Variants in BMAL1 observed in about 807,000 individuals in gnomAD.
BMAL1 encodes basic helix-loop-helix ARNT like 1, also known as basic helix-loop-helix ARNT-like protein 1.
the BMAL1 span, chr11:13,355,425 CTT>C: frequency 9.4e-5 from 88 of 932,886 alleles, no homozygotes; most frequent in Non-Finnish European, 1.4e-4. Context: ...GCCACAAACC[CTT>C]TGTCTTGAGC....
At chr11:13,353,004 T>C in the BMAL1 span, among the ~76,000 whole-genome samples, 1 of 152,204 alleles carries the variant, frequency 6.6e-6, no homozygotes, top group African/African-American at 2.4e-5. Flanking sequence ...AAATACGAGT[T>C]CTCAAAATGT....
the BMAL1 span, among the ~76,000 whole-genome samples, chr11:13,363,290 A>G: frequency 6.6e-6 from 1 of 151,990 alleles, no homozygotes; most frequent in African/African-American, 2.4e-5. Flanking sequence ...ATAATTTTCT[A>G]TCAGATACCC....
At chr11:13,298,089 G>A in the BMAL1 span, among the ~76,000 whole-genome samples, 17 of 152,288 alleles carry the variant, frequency 1.1e-4, no homozygotes, top group Admixed American at 5.2e-4. Flanking sequence ...CCCACCCCAA[G>A]GCCATGGTGT....
the BMAL1 span, among the ~76,000 whole-genome samples, chr11:13,346,153 T>C: frequency 1.3e-5 from 2 of 152,244 alleles, no homozygotes; most frequent in Non-Finnish European, 2.9e-5. Flanking sequence ...TTGACAGTCA[T>C]GGGCACAGAC....
chr11:13,321,990 G>A, the BMAL1 span, among the ~76,000 whole-genome samples: 1 of 152,088 alleles, frequency 6.6e-6, no homozygotes, highest in African/African-American at 2.4e-5. Context: ...GGTGGTCCTA[G>A]GGACCCTGCC....
chr11:13,296,358 G>A, the BMAL1 span, among the ~76,000 whole-genome samples: 1 of 152,124 alleles, frequency 6.6e-6, no homozygotes, highest in Non-Finnish European at 1.5e-5. Flanking sequence ...CCTCCTGAAG[G>A]GGTCTGGGGA....
the BMAL1 span, among the ~76,000 whole-genome samples, chr11:13,291,587 G>T: frequency 6.6e-6 from 1 of 152,212 alleles, no homozygotes; most frequent in Non-Finnish European, 1.5e-5. Context: ...CTGGTCAGCG[G>T]CAGAGGCAGC....
chr11:13,332,129 T>C, the BMAL1 span, among the ~76,000 whole-genome samples: 1 of 151,986 alleles, frequency 6.6e-6, no homozygotes, highest in Non-Finnish European at 1.5e-5. Flanking sequence ...ACAGAGAAGG[T>C]CAGAGGTGGG....
the BMAL1 span, among the ~76,000 whole-genome samples, chr11:13,348,352 C>T: frequency 6.6e-6 from 1 of 152,058 alleles, no homozygotes; most frequent in Non-Finnish European, 1.5e-5. Flanking sequence ...GTTTGGAAGA[C>T]TTAGGGGGAA....
At chr11:13,351,563 C>T in the BMAL1 span, among the ~76,000 whole-genome samples, 10 of 152,122 alleles carry the variant, frequency 6.6e-5, no homozygotes, top group Non-Finnish European at 1.5e-4. Flanking sequence ...TAGCTAGAGC[C>T]CCTGGAGAGT....
At chr11:13,325,264 C>T in the BMAL1 span, among the ~76,000 whole-genome samples, 1 of 152,136 alleles carries the variant, frequency 6.6e-6, no homozygotes, top group East Asian at 1.9e-4. Context: ...TCCCCTGTTC[C>T]ATTTTTTAAT....
chr11:13,279,581 T>TA, the BMAL1 span, among the ~76,000 whole-genome samples: 1 of 152,200 alleles, frequency 6.6e-6, no homozygotes, highest in Non-Finnish European at 1.5e-5. Context: ...TTGCAAGACT[T>TA]AAAAAAATTC....
At chr11:13,311,319 G>C in the BMAL1 span, among the ~76,000 whole-genome samples, 1 of 152,182 alleles carries the variant, frequency 6.6e-6, no homozygotes, top group East Asian at 1.9e-4. Context: ...GGGAATATGC[G>C]TAACTGTGGG....
the BMAL1 span, among the ~76,000 whole-genome samples, chr11:13,337,216 C>T: frequency 9.2e-5 from 14 of 152,064 alleles, no homozygotes; most frequent in African/African-American, 2.4e-4. Context: ...GAAATTATAA[C>T]GTTAAAACAA....
the BMAL1 span, chr11:13,366,857 GGT>G: frequency 4.1e-6 from 5 of 1,217,544 alleles, no homozygotes; most frequent in East Asian, 2.4e-5. Context: ...GCAGAGGGCG[GGT>G]GTGTGTGATG....
the BMAL1 span, among the ~76,000 whole-genome samples, chr11:13,279,910 A>T: frequency 6.6e-6 from 1 of 152,216 alleles, no homozygotes; most frequent in South Asian, 2.1e-4. Context: ...CTGGTAGAAA[A>T]GCACTAACCT....
At chr11:13,383,308 AAG>A in the BMAL1 span, among the ~76,000 whole-genome samples, 1 of 152,188 alleles carries the variant, frequency 6.6e-6, no homozygotes, top group Non-Finnish European at 1.5e-5. Context: ...TTTTTCCAGA[AAG>A]AGAGGGGGCA....
At chr11:13,281,012 C>G in the BMAL1 span, among the ~76,000 whole-genome samples, 3 of 152,168 alleles carry the variant, frequency 2.0e-5, no homozygotes, top group Non-Finnish European at 4.4e-5. Context: ...CAGGTTTCTC[C>G]TCTTGGTGTA....
the BMAL1 span, among the ~76,000 whole-genome samples, chr11:13,315,616 A>G: frequency 6.6e-6 from 1 of 152,098 alleles, no homozygotes; most frequent in East Asian, 1.9e-4. Context: ...TCTATACGCC[A>G]CCGTTCCCTC....
Sources: gnomAD v4.1 joint callset for allele counts (sites outside exome capture counted in the v4.1 genomes callset) on GRCh38, gnomAD v4.1.1 for gene constraint, MANE v1.5 for transcripts, NCBI Gene and HGNC (gene_info 2026-07-23, HGNC 2026-07-21) for gene names.